The following UTS2 variants were observed in gnomAD, a reference collection of about 807,000 sequenced individuals.
UTS2 encodes the protein urotensin 2, also known as urotensin-2.
Under a neutral mutation model 12.6 loss-of-function variants are expected in UTS2, and 10 were observed. The observed-to-expected ratio is 0.80, with a 90% confidence interval of 0.49 to 1.35. UTS2 has a LOEUF of 1.35. Among genes scored for constraint, UTS2 ranks in the 40% most tolerant of loss-of-function variants. The pLI is 0.00. For missense variants in UTS2, 142 were observed against 143.2 expected, an observed-to-expected ratio of 0.99 and a Z score of 0.04; for synonymous variants, 52 against 50.0, an observed-to-expected ratio of 1.04 and a Z score of -0.17.
At chr1:7,874,169 C>T in the UTS2 span, among the ~76,000 whole-genome samples, 1,103 of 152,246 alleles carry the variant, frequency 7.2e-3, 17 homozygotes, top group African/African-American at 0.026. Flanking sequence ...AACTGCCCAA[C>T]GTAGGGAAAA....
At chr1:7,879,218 A>T in the UTS2 span, among the ~76,000 whole-genome samples, 2 of 152,240 alleles carry the variant, frequency 1.3e-5, no homozygotes, top group African/African-American at 4.8e-5. Flanking sequence ...CACTCATTTC[A>T]TCAGCACATT....
At chr1:7,857,943 C>CATATATATAAGCATATATGTGAG (rs1553334141), upstream of UTS2, among the ~76,000 whole-genome samples, 1 of 151,470 alleles carries the variant, frequency 6.6e-6, no homozygotes, top group African/African-American at 2.4e-5. Context: ...ATATGTAAAG[C>CATATATATAAGCATATATGTGAG]ACTCATGAAG....
the UTS2 span, among the ~76,000 whole-genome samples, chr1:7,897,064 T>G: frequency 6.6e-6 from 1 of 152,256 alleles, no homozygotes; most frequent in African/African-American, 2.4e-5. Flanking sequence ...CCAAATTACA[T>G]GAGATTTCTG....
chr1:7,890,972 C>A, the UTS2 span, among the ~76,000 whole-genome samples: 2 of 151,198 alleles, frequency 1.3e-5, no homozygotes, highest in South Asian at 2.1e-4. Context: ...CCTCCACCCC[C>A]CCCCACAAAA....
chr1:7,855,610 T>C (rs536942731), upstream of UTS2, among the ~76,000 whole-genome samples: 18 of 152,152 alleles, frequency 1.2e-4, no homozygotes, highest in South Asian at 3.5e-3. Context: ...CTTGACCTCC[T>C]GGCCTTAAGT....
the UTS2 span, among the ~76,000 whole-genome samples, chr1:7,871,694 A>G: frequency 6.6e-6 from 1 of 152,048 alleles, no homozygotes; most frequent in Non-Finnish European, 1.5e-5. Flanking sequence ...GAATTCTCAC[A>G]ATATTTCAAA....
the UTS2 span, among the ~76,000 whole-genome samples, chr1:7,863,097 TG>T: frequency 7.9e-6 from 1 of 126,088 alleles, no homozygotes; most frequent in Non-Finnish European, 1.6e-5. Context: ...TGTATTGTAT[TG>T]TATTGTATTG....
the UTS2 span, among the ~76,000 whole-genome samples, chr1:7,906,394 C>A: frequency 7.3e-6 from 1 of 137,238 alleles, no homozygotes; most frequent in South Asian, 2.3e-4. Flanking sequence ...CACTTTATAG[C>A]ACAGCAAGAA....
the UTS2 span, among the ~76,000 whole-genome samples, chr1:7,877,797 T>A: frequency 2.0e-5 from 3 of 151,930 alleles, no homozygotes; most frequent in Non-Finnish European, 2.9e-5. Context: ...CGCTTGAACC[T>A]GGGAGGCAGA....
At chr1:7,906,455 G>GAAAGAAAGAA in the UTS2 span, among the ~76,000 whole-genome samples, 1 of 94,508 alleles carries the variant, frequency 1.1e-5, no homozygotes, top group South Asian at 3.9e-4. Context: ...AAAAGAGAAA[G>GAAAGAAAGAA]AAAGAAAGAA....
chr1:7,871,174 C>T, the UTS2 span, among the ~76,000 whole-genome samples: 2 of 152,194 alleles, frequency 1.3e-5, no homozygotes, highest in Non-Finnish European at 2.9e-5. Context: ...AAATTGCAGG[C>T]AGAGTGGTCT....
At chr1:7,892,290 C>T in the UTS2 span, among the ~76,000 whole-genome samples, 11,690 of 152,002 alleles carry the variant, frequency 0.077, 544 homozygotes, top group East Asian at 0.12. Flanking sequence ...TAAGATCGAG[C>T]GGTCACCTGG....
chr1:7,868,339 A>G, the UTS2 span, among the ~76,000 whole-genome samples: 1 of 152,214 alleles, frequency 6.6e-6, no homozygotes, highest in Admixed American at 6.5e-5. Flanking sequence ...GGACTCATCC[A>G]GTTGCAGGAG....
chr1:7,886,946 C>T, the UTS2 span, among the ~76,000 whole-genome samples: 1 of 140,234 alleles, frequency 7.1e-6, no homozygotes, highest in Non-Finnish European at 1.5e-5. Flanking sequence ...GAGGCTGAGG[C>T]AGGAGAATTG....
In UTS2 at chr1:7,847,911, C is replaced by A. The variant is rs707473; in HGVS notation, c.259-29G>T. 0.19 allele frequency: 259,835 copies of A among 1,386,664 alleles called. 18,826 individuals are homozygous for A. Among genetic ancestry groups the A allele is most frequent in the East Asian group, 0.4 (16,545 of 41,614 alleles). 85.9% of individuals were successfully genotyped at this position (1,386,664 alleles called of 1,614,324 possible). A position where few individuals can be genotyped will look rare whatever the true frequency, so the allele number is the denominator to read the frequency against. ...AAACAATCCAAACGAACAACAACAA[C>A]AAAAAAAAACAGATAAGTTACCAAC... On this transcript the variant is annotated intron_variant, in intron 3 of 3. Transcript: ENST00000361696.
chr1:7,860,013 CAT>C, the UTS2 span, among the ~76,000 whole-genome samples: 34,115 of 151,382 alleles, frequency 0.23, 4,586 homozygotes, highest in Middle Eastern at 0.39. Flanking sequence ...AAAATGCATA[CAT>C]ATATATATAG....
At chr1:7,889,902 T>TA in the UTS2 span, among the ~76,000 whole-genome samples, 51 of 151,860 alleles carry the variant, frequency 3.4e-4, no homozygotes, top group African/African-American at 1.1e-3. Context: ...CCGTCTCTAT[T>TA]AAAAAATACA....
the UTS2 span, among the ~76,000 whole-genome samples, chr1:7,870,356 G>A: frequency 6.6e-6 from 1 of 152,174 alleles, no homozygotes; most frequent in African/African-American, 2.4e-5. Context: ...TGGGGAACCA[G>A]CCCTGCCAAC....
the UTS2 span, among the ~76,000 whole-genome samples, chr1:7,906,481 A>AAGAAAGAAAGAAAGAAAGAAAG: frequency 6.7e-6 from 1 of 150,070 alleles, no homozygotes; most frequent in African/African-American, 2.4e-5. Flanking sequence ...GAAAGAAAGA[A>AAGAAAGAAAGAAAGAAAGAAAG]AGAAAGAAAG....
Sources: allele counts gnomAD v4.1 joint callset (sites outside exome capture counted in the v4.1 genomes callset), GRCh38; gene constraint gnomAD v4.1.1; transcripts MANE v1.5; gene names NCBI Gene and HGNC (gene_info 2026-07-23, HGNC 2026-07-21).